FSD2: variants seen among roughly 807,000 people sequenced by gnomAD.
The protein encoded by FSD2 is fibronectin type III and SPRY domain containing 2, also known as fibronectin type III and SPRY domain-containing protein 2.
FSD2 carries 71 observed loss-of-function variants against 80.4 expected under a neutral mutation model. The observed-to-expected ratio is 0.88, with a 90% confidence interval of 0.73 to 1.08. FSD2 has a LOEUF of 1.08. FSD2 is among the 50% of genes least tolerant of loss of function. FSD2 has a pLI of 0.00. For missense variants in FSD2, 923 were observed against 913.8 expected (o/e 1.01, Z -0.13); for synonymous variants, 361 against 329.5 (o/e 1.10, Z -1.03).
chr15:82,777,387 C>G (rs1354831193), intron 6 of FSD2, among the ~76,000 whole-genome samples: 1 of 151,912 alleles, frequency 6.6e-6, no homozygotes, highest in African/African-American at 2.4e-5. Context: ...AAATCCAAAC[C>G]GATTAAAAAA....
intron 1 of FSD2, 111 bp from the exon 2 acceptor site, chr15:82,787,579 T>TC: frequency 2.0e-6 from 1 of 502,796 alleles, no homozygotes; most frequent in Non-Finnish European, 3.3e-6. Context: ...TCTGTGTAGT[T>TC]CAGTCGTGGT....
intron 1 of FSD2, among the ~76,000 whole-genome samples, chr15:82,797,453 T>A (rs977663450): frequency 6.6e-6 from 1 of 152,226 alleles, no homozygotes; most frequent in Non-Finnish European, 1.5e-5. Context: ...GATACACAAA[T>A]AAACTTTTTT....
At chr15:82,784,265 T>TTTTTA in intron 3 of FSD2, among the ~76,000 whole-genome samples, 1 of 144,584 alleles carries the variant, frequency 6.9e-6, no homozygotes, top group East Asian at 2.2e-4. Flanking sequence ...ATTTTTTTTT[T>TTTTTA]ATGGAGCCTC....
chr15:82,796,772 A>G (rs2050281678), intron 1 of FSD2, among the ~76,000 whole-genome samples: 1 of 152,080 alleles, frequency 6.6e-6, no homozygotes, highest in African/African-American at 2.4e-5. Flanking sequence ...CAGGCTATGG[A>G]ATCTGTATGC....
intron 7 of FSD2, 82 bp downstream of exon 7, chr15:82,771,991 A>G: frequency 7.3e-7 from 1 of 1,371,950 alleles, no homozygotes; most frequent in Non-Finnish European, 9.6e-7. Flanking sequence ...TACCATCCCA[A>G]CTGCCAGGAA....
chr15:82,769,793 C>G lies in FSD2; in HGVS notation c.1359G>C (p.Arg453Ser). Reference protein sequence around the residue: ...QYEFWVTAHNRAGPSPSSERA... With the variant: ...QYEFWVTAHNSAGPSPSSERA... Reference sequence around the variant, plus strand: ...GCTCGCTAGAGGGGCTGGGGCCAGCCCTGTTGTGAGCTGTGACCCAAAATT... The same window carrying G: ...GCTCGCTAGAGGGGCTGGGGCCAGCGCTGTTGTGAGCTGTGACCCAAAATT... The change falls in exon 8 of 13, where the codon AGG becomes AGC. Residue 453 changes from arginine (R) to serine (S), a missense_variant. Coordinates refer to ENST00000334574, the MANE Select transcript of FSD2 (RefSeq NM_001007122.4). 1 of 1,613,934 alleles carries G rather than the reference C, an allele frequency of 6.2e-7. No individual in the cohort carries two copies. Among genetic ancestry groups the G allele is most frequent in the Non-Finnish European group, 8.5e-7 (1 of 1,179,874 alleles).
At position 82,782,887 on chromosome 15, in the gene FSD2, G is replaced by C. The variant is rs888035687; in HGVS notation, c.874C>G (p.Leu292Val). The change falls in exon 4 of 13, where the codon CTG (leucine) becomes GTG (valine). Residue 292 changes from leucine (L) to valine (V), a missense_variant. Leu to Val is a conservative substitution (Grantham distance 32). Coordinates refer to ENST00000334574, the MANE Select transcript of FSD2 (RefSeq NM_001007122.4). ...TCTAGGTTTTCTCCACAGCTGACCA[G>C]TTGTCCATATAAGGCTTCCAGCTTC... The part of the protein sequence containing the change: ...KEKLEALYGQ[L>V]VSCGENLDTC... 6.2e-7 allele frequency: 1 copy of C among 1,613,892 alleles called. No individual in the cohort carries two copies.
chr15:82,778,552 G>A (rs895738914), intron 6 of FSD2, among the ~76,000 whole-genome samples: 4 of 152,068 alleles, frequency 2.6e-5, no homozygotes, highest in African/African-American at 9.7e-5. Context: ...GGGAAACGGG[G>A]AATTGTTGCT....
chr15:82,799,029 C>T (rs1220232656), intron 1 of FSD2, among the ~76,000 whole-genome samples: 1 of 151,922 alleles, frequency 6.6e-6, no homozygotes, highest in Non-Finnish European at 1.5e-5. Flanking sequence ...AGGCATGCAC[C>T]ACCACGCCTG....
intron 10 of FSD2, among the ~76,000 whole-genome samples, 159 bp from the exon 11 acceptor site, chr15:82,765,457 G>T (rs181515489): frequency 3.9e-5 from 6 of 152,182 alleles, no homozygotes; most frequent in South Asian, 4.2e-4. Flanking sequence ...ACACTCATCG[G>T]GCAGTCTTGT....
chr15:82,762,034 A>T, intron 12 of FSD2, 68 bp downstream of exon 12: 1 of 1,231,012 alleles, frequency 8.1e-7, no homozygotes, highest in Non-Finnish European at 1.1e-6. Flanking sequence ...AATTATTGCT[A>T]GTGAAAAGGT....
At chr15:82,791,864 T>G (rs1254210900) in intron 1 of FSD2, among the ~76,000 whole-genome samples, 2 of 152,254 alleles carry the variant, frequency 1.3e-5, no homozygotes, top group Non-Finnish European at 2.9e-5. Context: ...CTTCTCTCAC[T>G]GAGCATACTG....
intron 10 of FSD2, 72 bp from the exon 11 acceptor site, chr15:82,765,370 GT>G: frequency 6.3e-7 from 1 of 1,597,594 alleles, no homozygotes; most frequent in Admixed American, 1.7e-5. Flanking sequence ...GTGGTCACCG[GT>G]TTAGCTTCGT....
chr15:82,770,022 A>AAAG, intron 7 of FSD2, 138 bp from the exon 8 acceptor site: 2 of 913,146 alleles, frequency 2.2e-6, no homozygotes, highest in South Asian at 1.6e-5. Flanking sequence ...CCTCTGCAGC[A>AAAG]TGACTTTGCT....
intron 11 of FSD2, among the ~76,000 whole-genome samples, chr15:82,764,573 G>A (rs1407042019): frequency 1.4e-5 from 2 of 145,512 alleles, no homozygotes; most frequent in Non-Finnish European, 3.0e-5. Flanking sequence ...CCGCCCCGCG[G>A]GTTCAAGCAA....
chr15:82,790,255 A>G (rs1439209642), intron 1 of FSD2, among the ~76,000 whole-genome samples: 1 of 152,166 alleles, frequency 6.6e-6, no homozygotes, highest in African/African-American at 2.4e-5. Context: ...TGGCTGGAGG[A>G]TTCTCTGACA....
rs188765302 is a variant in FSD2 at position 82,757,401 on chromosome 15, G to T, written c.*1947C>A. On this transcript the variant is annotated 3_prime_UTR_variant, in exon 13 of 13. Coordinates refer to ENST00000334574, the MANE Select transcript of FSD2 (RefSeq NM_001007122.4). ...GGAGTCTTGATCTGTGAGCCATCTC[G>T]GCTCACTGCAAGCTCCACCTCCCGG... The T allele has an allele frequency of 1.0e-4, 14 of 137,812 alleles. No individual in the cohort carries two copies. The highest frequency in any genetic ancestry group is 1.8e-4 in the Non-Finnish European group (12 of 66,046). The allele number at this position is 137,812 out of a possible 1,614,324, so 8.5% of individuals were successfully genotyped here. A position where few individuals can be genotyped will look rare whatever the true frequency, so the allele number is the denominator to read the frequency against.
At chr15:82,760,733 G>A (rs548558779) in intron 12 of FSD2, among the ~76,000 whole-genome samples, 44 of 75,578 alleles carry the variant, frequency 5.8e-4, no homozygotes, top group South Asian at 2.8e-3. Flanking sequence ...ACGTGTGTGC[G>A]TGCACGCACA....
intron 1 of FSD2, among the ~76,000 whole-genome samples, chr15:82,801,499 TG>T (rs2050412105): frequency 6.6e-6 from 1 of 152,144 alleles, no homozygotes; most frequent in South Asian, 2.1e-4. Flanking sequence ...GGTGAGCCCC[TG>T]GGGACCTTCT....
Sources: gnomAD v4.1 joint callset for allele counts (sites outside exome capture counted in the v4.1 genomes callset) on GRCh38, gnomAD v4.1.1 for gene constraint, MANE v1.5 for transcripts, NCBI Gene and HGNC (gene_info 2026-07-23, HGNC 2026-07-21) for gene names.